SLCO2B1: variants seen among roughly 807,000 people sequenced by gnomAD.
SLCO2B1 encodes the protein OATP-RP2.
A neutral mutation model predicts 67.3 loss-of-function variants in SLCO2B1; 41 were observed. The observed-to-expected ratio is 0.61, with a 90% CI of 0.47 to 0.79. SLCO2B1 has a LOEUF of 0.79. Ranked by LOEUF, SLCO2B1 falls within the 30% of genes least tolerant of loss-of-function variation. The pLI, the probability that SLCO2B1 is intolerant of heterozygous loss-of-function variation, is 0.00. For synonymous variants in SLCO2B1, 379 were observed against 381.4 expected (o/e 0.99, Z 0.07); for missense variants, 837 against 920.1 (o/e 0.91, Z 1.17).
chr11:75,157,690 G>A (rs766407209), intron 1 of SLCO2B1, among the ~76,000 whole-genome samples: 3 of 152,222 alleles, frequency 2.0e-5, no homozygotes, highest in Non-Finnish European at 4.4e-5. Context: ...CTTTGAGGTC[G>A]TATAGAGGAG....
intron 1 of SLCO2B1, among the ~76,000 whole-genome samples, chr11:75,162,240 C>A (rs1176383610): frequency 6.6e-6 from 1 of 152,160 alleles, no homozygotes; most frequent in Non-Finnish European, 1.5e-5. Flanking sequence ...CAGTCCCAGG[C>A]CCAGACTCAG....
At chr11:75,171,916 T>A (rs929284224) in intron 6 of SLCO2B1, among the ~76,000 whole-genome samples, 4 of 151,970 alleles carry the variant, frequency 2.6e-5, no homozygotes, top group African/African-American at 7.3e-5. Flanking sequence ...ACAATAGTAA[T>A]GAGAAGGAGG....
intron 7 of SLCO2B1, among the ~76,000 whole-genome samples, chr11:75,187,423 G>A (rs1048987537): frequency 2.6e-5 from 4 of 152,296 alleles, no homozygotes; most frequent in Admixed American, 6.5e-5. Flanking sequence ...CTCTGGGTGC[G>A]GCCTGATTCA....
In SLCO2B1 at chr11:75,194,032, C is replaced by T. The variant is rs1016097673; in HGVS notation, c.1433+457C>T. Among the ~76,000 whole-genome samples, 9 of 152,222 alleles carry T rather than the reference C, an allele frequency of 5.9e-5. No individual in the cohort carries two copies. In the East Asian group the frequency reaches 9.7e-4, roughly 16 times the overall value. ...GAGGGTGAGCAAGGGACTGGATGGC[C>T]CCTATCAGGGAGGCTGCAGAGGGGA... On this transcript the variant is annotated intron_variant, in intron 9 of 13. Coordinates refer to ENST00000289575, the MANE Select transcript of SLCO2B1 (RefSeq NM_007256.5).
At chr11:75,162,836 G>A (rs1264948685) in intron 2 of SLCO2B1, 51 bp downstream of exon 2, 3 of 1,582,458 alleles carry the variant, frequency 1.9e-6, no homozygotes. Flanking sequence ...AGCAGGCTCT[G>A]CCACGTGCTG....
chr11:75,159,877 G>C, intron 1 of SLCO2B1: 1 of 985,856 alleles, frequency 1.0e-6, no homozygotes. Context: ...CCAGAGGTGA[G>C]GCTGGAGTGG....
chr11:75,191,586 A>C (rs995295871), intron 8 of SLCO2B1, among the ~76,000 whole-genome samples: 1 of 152,162 alleles, frequency 6.6e-6, no homozygotes, highest in Non-Finnish European at 1.5e-5. Context: ...CTAGGGAACC[A>C]GCTGGCTTGG....
intron 4 of SLCO2B1, among the ~76,000 whole-genome samples, chr11:75,168,190 G>A (rs1949915793): frequency 6.6e-6 from 1 of 152,176 alleles, no homozygotes; most frequent in African/African-American, 2.4e-5. Flanking sequence ...ACAGCGCCTG[G>A]CCAAATTTTG....
At chr11:75,152,539 G>A (rs1949704491) in intron 1 of SLCO2B1, 1 of 152,298 alleles carries the variant, frequency 6.6e-6, no homozygotes, top group Non-Finnish European at 1.5e-5. Flanking sequence ...TGGGATGGTT[G>A]GGGGGGCGGT....
chr11:75,156,116 GAGA>G (rs1949743634), intron 1 of SLCO2B1, among the ~76,000 whole-genome samples: 2 of 152,258 alleles, frequency 1.3e-5, no homozygotes, highest in Middle Eastern at 6.8e-3. Context: ...CTCACTTACA[GAGA>G]AGAAAACAGG....
chr11:75,156,713 C>T (rs528662240), intron 1 of SLCO2B1, among the ~76,000 whole-genome samples: 1 of 152,336 alleles, frequency 6.6e-6, no homozygotes, highest in East Asian at 1.9e-4. Context: ...AATGGCTACT[C>T]CATAGGCAGA....
At chr11:75,183,732 C>T (rs1161751181) in intron 7 of SLCO2B1, among the ~76,000 whole-genome samples, 6 of 152,172 alleles carry the variant, frequency 3.9e-5, no homozygotes, top group African/African-American at 1.4e-4. Flanking sequence ...CTATGTTGCC[C>T]AGGCCAGTCT....
chr11:75,163,954 C>A lies in SLCO2B1; in HGVS notation c.148-9C>A. ...GCCCACCTCTGCCTGCCTCCGGGTCCCCCCACAGCTGTTCGTTCTGTGCCA... is the reference window on the plus strand; with the variant it reads ...GCCCACCTCTGCCTGCCTCCGGGTCACCCCACAGCTGTTCGTTCTGTGCCA... On this transcript the variant is annotated splice_polypyrimidine_tract_variant and intron_variant, in intron 2 of 13. Coordinates refer to ENST00000289575, the MANE Select transcript of SLCO2B1 (RefSeq NM_007256.5). 1 of 1,593,718 alleles carries A rather than the reference C, an allele frequency of 6.3e-7. No individual in the cohort carries two copies. Among genetic ancestry groups the A allele is most frequent in the South Asian group, 1.1e-5 (1 of 87,720 alleles).
At chr11:75,197,877 CT>C (rs576400901) in intron 10 of SLCO2B1, among the ~76,000 whole-genome samples, 1 of 152,212 alleles carries the variant, frequency 6.6e-6, no homozygotes, top group Non-Finnish European at 1.5e-5. Flanking sequence ...CCGGTTCCTC[CT>C]CCCCTTTTTC....
At chr11:75,167,712 A>T (rs1446303439) in intron 4 of SLCO2B1, among the ~76,000 whole-genome samples, 1 of 151,898 alleles carries the variant, frequency 6.6e-6, no homozygotes, top group African/African-American at 2.4e-5. Context: ...CACCACTCTT[A>T]ATGTTCACGA....
chr11:75,203,754 G>A, intron 13 of SLCO2B1: 1 of 282,972 alleles, frequency 3.5e-6, no homozygotes, highest in East Asian at 9.0e-5. Context: ...GGGGTGAAGG[G>A]CTGGGGAGAA....
rs959579606 is a variant in SLCO2B1 at position 75,205,261 on chromosome 11, G to A, written c.*681G>A. ...GGCCCCAGGAATCCTTAGCTGAAGC[G>A]GGGAGACTCACTCTCCATCTCAGGA... On this transcript the variant is annotated 3_prime_UTR_variant, in exon 14 of 14. Transcript: ENST00000289575. 4 of 152,328 alleles carry A rather than the reference G, an allele frequency of 2.6e-5. No homozygotes were observed. The highest frequency in any genetic ancestry group is 6.5e-5 in the Admixed American group (1 of 15,282). The allele number at this position is 152,328 out of a possible 1,614,324, so 9.4% of individuals were successfully genotyped here. A position where few individuals can be genotyped will look rare whatever the true frequency, so the allele number is the denominator to read the frequency against.
Position 75,165,936 on chromosome 11 carries a change from C to A in SLCO2B1, c.435C>A (p.Asp145Glu). ...TCATCTCGGAGCCATACCGCTACGA[C>A]AACACCAGCCCTGGTAAGAGCAGCA... ...PHFISEPYRY[D>E]NTSPEDMPQD... The change falls in exon 4 of 14, where the codon GAC (aspartate) becomes GAA (glutamate). Residue 145 changes from aspartate (D) to glutamate (E), a missense_variant. Physicochemically the swap from Asp to Glu is conservative, Grantham distance 45. Coordinates refer to ENST00000289575, the MANE Select transcript of SLCO2B1 (RefSeq NM_007256.5). The A allele has an allele frequency of 6.2e-7, 1 of 1,614,010 alleles. No individual in the cohort carries two copies. Among genetic ancestry groups the A allele is most frequent in the Non-Finnish European group, 8.5e-7 (1 of 1,179,888 alleles).
intron 7 of SLCO2B1, among the ~76,000 whole-genome samples, chr11:75,174,624 A>T (rs1466500686): frequency 1.3e-5 from 2 of 152,246 alleles, no homozygotes; most frequent in Admixed American, 6.5e-5. Context: ...GGAAGAAGAC[A>T]GTTTGGAACT....
Sources: allele counts gnomAD v4.1 joint callset (sites outside exome capture counted in the v4.1 genomes callset), GRCh38; gene constraint gnomAD v4.1.1; transcripts MANE v1.5; gene names NCBI Gene and HGNC (gene_info 2026-07-23, HGNC 2026-07-21).